DCTN1: variants seen among roughly 807,000 people sequenced by gnomAD.
DCTN1 encodes the protein 150 kDa dynein-associated polypeptide.
DCTN1 carries 61 observed loss-of-function variants against 161.2 expected under a neutral mutation model. That is an observed-to-expected ratio of 0.38 (90% CI 0.31 to 0.47). The LOEUF is 0.47. DCTN1 is among the 20% of genes least tolerant of loss of function. DCTN1 has a pLI of 0.99. For missense variants in DCTN1, 1,404 were observed against 1,623.7 expected, an observed-to-expected ratio of 0.86 and a Z score of 2.33; for synonymous variants, 653 against 632.4, an observed-to-expected ratio of 1.03 and a Z score of -0.49.
intron 5 of DCTN1, among the ~76,000 whole-genome samples, chr2:74,375,292 C>A (rs931471638): frequency 6.6e-6 from 1 of 152,242 alleles, no homozygotes; most frequent in African/African-American, 2.4e-5. Flanking sequence ...GCAGAGACAT[C>A]TGAGTTTTCT....
chr2:74,378,331 G>T, intron 1 of DCTN1, 86 bp from the exon 2 acceptor site: 2 of 1,543,402 alleles, frequency 1.3e-6, no homozygotes, highest in Non-Finnish European at 1.8e-6. Context: ...CAGCCAAGAT[G>T]CTGGACTGAA....
intron 5 of DCTN1, 63 bp from the exon 6 acceptor site, chr2:74,374,403 A>C: frequency 6.2e-7 from 1 of 1,610,306 alleles, no homozygotes; most frequent in Admixed American, 1.7e-5. Context: ...ACAGAGGAGG[A>C]TAGACAAACA....
rs765995146 is a variant in DCTN1, at chr2:74,370,487, C to T, written c.1106G>A (p.Arg369His). The change falls in exon 11 of 32, where the codon CGC (arginine) becomes CAC (histidine). Residue 369 changes from arginine (R) to histidine (H), a missense_variant. By Grantham distance (29) the Arg-to-His change is conservative. Transcript: ENST00000628224. This position sits in a 1 kb window ranked among gnomAD's most constrained non-coding sequence, Gnocchi z 4.4. ...CTACCTCACCAGGGCATCCTTCAGG[C>T]GGGCATTCTGCTCCTCAAGCTGCTT... ...QLKQLEEQNA[R>H]LKDALVRMRD... 10 of 1,614,184 alleles carry T rather than the reference C, an allele frequency of 6.2e-6. No individual in the cohort carries two copies. The highest frequency in any genetic ancestry group is 8.5e-6 in the Non-Finnish European group (10 of 1,180,044).
chr2:74,365,567 T>G lies in DCTN1; in HGVS notation c.2977A>C (p.Lys993Gln). 1 of 1,614,116 alleles carries G rather than the reference T, an allele frequency of 6.2e-7. No individual in the cohort carries two copies. The highest frequency in any genetic ancestry group is 8.5e-7 in the Non-Finnish European group (1 of 1,180,006). Reference sequence around the variant, plus strand: ...GTCTCCTCCAGCCGAGTCTGGACTTTCTCGATGCGCTCATCTGCATCCTTG... The same window carrying G: ...GTCTCCTCCAGCCGAGTCTGGACTTGCTCGATGCGCTCATCTGCATCCTTG... ...AAKDADERIE[K>Q]VQTRLEETQA... The change falls in exon 25 of 32, where the codon AAA becomes CAA. Residue 993 changes from lysine (K) to glutamine (Q), a missense_variant. By Grantham distance (53) the Lys-to-Gln change is moderately conservative (BLOSUM62 1). Transcript: ENST00000628224.
rs188328019 is a variant in DCTN1 at position 74,369,545 on chromosome 2, G to A, written c.1393-54C>T. 7.8e-5 allele frequency: 123 copies of A among 1,576,558 alleles called. 1 individual carries two copies. In the Admixed American group the frequency reaches 9.0e-4, roughly 12 times the overall value. ...AAGAAAGGCAGGGTCGGCCAGCGGC[G>A]GTGGTTCACACCTGTAATCCCAGCA... On this transcript the variant is annotated intron_variant, in intron 13 of 31. Coordinates refer to ENST00000628224, the MANE Select transcript of DCTN1 (RefSeq NM_004082.5). This position sits in a 1 kb window ranked among gnomAD's most constrained non-coding sequence, Gnocchi z 4.9.
chr2:74,364,991 G>C, intron 26 of DCTN1, 84 bp downstream of exon 26: 1 of 1,570,082 alleles, frequency 6.4e-7, no homozygotes, highest in Non-Finnish European at 8.8e-7. Context: ...GGTAAGGGGG[G>C]TGGGGCAGAG....
chr2:74,370,864 G>T lies in DCTN1; in HGVS notation c.844-39C>A, dbSNP rs769579063. The stretch of plus-strand genomic sequence containing the variant: ...GGAGGTGGGAGGGGGTACCAGCACA[G>T]AGATGCCCCAGGCCTTTCTCACAGT... On this transcript the variant is annotated intron_variant, in intron 9 of 31. Transcript: ENST00000628224. The surrounding 1 kb of genome is among the most constrained non-coding windows in gnomAD (Gnocchi z 4.4). 1.1e-5 allele frequency: 18 copies of T among 1,613,606 alleles called. No individual in the cohort carries two copies. The highest frequency in any genetic ancestry group is 8.3e-5 in the Admixed American group (5 of 60,008).
intron 15 of DCTN1, 31 bp from the exon 16 acceptor site, chr2:74,368,911 G>A: frequency 6.2e-7 from 1 of 1,613,396 alleles, no homozygotes; most frequent in South Asian, 1.1e-5. Flanking sequence ...AGGACTCTTA[G>A]CCAGAGCTGA....
chr2:74,362,870 G>C, intron 29 of DCTN1, 124 bp downstream of exon 29: 1 of 1,351,504 alleles, frequency 7.4e-7, no homozygotes, highest in African/African-American at 1.4e-5. Flanking sequence ...AAACTGAACA[G>C]TGAAGCCAAA....
At chr2:74,361,946 A>G in intron 31 of DCTN1, 106 bp downstream of exon 31, 3 of 1,224,020 alleles carry the variant, frequency 2.5e-6, no homozygotes, top group Non-Finnish European at 3.6e-6. Flanking sequence ...CAAGGTATGC[A>G]GTTGTTAGAC....
chr2:74,379,644 G>GA (rs1460895356), intron 1 of DCTN1, among the ~76,000 whole-genome samples: 1 of 152,176 alleles, frequency 6.6e-6, no homozygotes, highest in Non-Finnish European at 1.5e-5. Flanking sequence ...AGAAGAGAAA[G>GA]AAAGCAAGTA....
At chr2:74,383,189 C>T (rs1022588848), upstream of DCTN1, among the ~76,000 whole-genome samples, 15 of 152,202 alleles carry the variant, frequency 9.9e-5, no homozygotes, top group African/African-American at 3.6e-4. Flanking sequence ...AATAACTTTG[C>T]TTGACTAGCG....
chr2:74,376,094 G>A (rs902959262), intron 5 of DCTN1, among the ~76,000 whole-genome samples: 23 of 152,176 alleles, frequency 1.5e-4, no homozygotes, highest in Non-Finnish European at 5.9e-5. Flanking sequence ...GGGAAGGGGA[G>A]GGGACGTGAC....
At chr2:74,362,796 T>G in intron 29 of DCTN1, 67 bp from the exon 30 acceptor site, 1 of 1,499,994 alleles carries the variant, frequency 6.7e-7, no homozygotes, top group Non-Finnish European at 9.2e-7. Context: ...GATTAAGGGT[T>G]AGGGGTGCAG....
chr2:74,369,867 G>T lies in DCTN1; in HGVS notation c.1392+98C>A. The T allele has an allele frequency of 1.7e-6, 2 of 1,203,546 alleles. No homozygotes were observed. Among genetic ancestry groups the T allele is most frequent in the East Asian group, 2.3e-5 (1 of 42,954 alleles). The allele number at this position is 1,203,546 out of a possible 1,614,324, so 74.6% of individuals were successfully genotyped here. ...GGTCAGGGTAGCAAGCCCAGGCTGG[G>T]TCCCTCACCGCACACCCTGCTCAAA... is the stretch of plus-strand genomic sequence containing the variant. On this transcript the variant is annotated intron_variant, in intron 13 of 31. Transcript: ENST00000628224. The surrounding 1 kb of genome is among the most constrained non-coding windows in gnomAD (Gnocchi z 4.9).
At chr2:74,365,274 C>T (rs745709544) in intron 25 of DCTN1, 33 bp from the exon 26 acceptor site, 1 of 1,613,146 alleles carries the variant, frequency 6.2e-7, no homozygotes, top group Non-Finnish European at 8.5e-7. Flanking sequence ...TGGCAGTGTC[C>T]CTTCTCTAAA....
At chr2:74,368,171 AG>A (rs1052336839) in intron 16 of DCTN1, 40 bp from the exon 17 acceptor site, 2 of 1,556,824 alleles carry the variant, frequency 1.3e-6, no homozygotes, top group African/African-American at 2.7e-5. Context: ...CTCAGAGCAG[AG>A]GATGGAGAAC....
chr2:74,363,278 C>T lies in DCTN1; in HGVS notation c.3345+16G>A. 2 of 1,614,072 alleles carry T rather than the reference C, an allele frequency of 1.2e-6. No homozygotes were observed. The highest frequency in any genetic ancestry group is 1.7e-6 in the Non-Finnish European group (2 of 1,179,972). On this transcript the variant is annotated intron_variant, in intron 28 of 31. Transcript: ENST00000628224. ...TGCTCCATCTCCCATCCCAGTCCTC[C>T]CCGTGGCTCCCTCACCTTGAGGATG...
At position 74,362,053 on chromosome 2, in the gene DCTN1, C is replaced by T. The variant is rs1674038306; in HGVS notation, c.3698G>A (p.Arg1233Lys). The T allele has an allele frequency of 2.5e-6, 4 of 1,613,726 alleles. No homozygotes were observed. Among genetic ancestry groups the T allele is most frequent in the Non-Finnish European group, 3.4e-6 (4 of 1,179,814 alleles). The change falls in exon 31 of 32, where the codon AGG (arginine) becomes AAG (lysine). Residue 1233 changes from arginine (R) to lysine (K), a missense_variant and splice_region_variant. By Grantham distance (26) the Arg-to-Lys change is conservative. Coordinates refer to ENST00000628224, the MANE Select transcript of DCTN1 (RefSeq NM_004082.5). ...CCTCCACCCCATGCTCCCCCTCACC[C>T]TGAGGAAGGCTGATGAAGGGAAGGT... ...FATFPSSAFL[R>K]AKEEQQDDTV...
Sources: gnomAD v4.1 joint callset for allele counts (sites outside exome capture counted in the v4.1 genomes callset) on GRCh38, gnomAD v4.1.1 for gene constraint, Gnocchi (gnomAD v3.1) non-coding constraint, MANE v1.5 for transcripts, NCBI Gene and HGNC (gene_info 2026-07-23, HGNC 2026-07-21) for gene names.